The following RASGRF2 variants were observed in gnomAD, a reference collection of about 807,000 sequenced individuals.
The protein encoded by RASGRF2 is Ras protein specific guanine nucleotide releasing factor 2.
A neutral mutation model predicts 151.0 loss-of-function variants in RASGRF2; 76 were observed. That is an observed-to-expected ratio of 0.50 (90% CI 0.42 to 0.61). The LOEUF is 0.61. Among genes scored for constraint, RASGRF2 ranks in the 20% least tolerant of loss-of-function variants. RASGRF2 has a pLI of 0.00. For missense variants in RASGRF2, 1,148 were observed against 1,564.6 expected (o/e 0.73, Z 4.49); for synonymous variants, 504 against 566.5 (o/e 0.89, Z 1.57).
intron 2 of RASGRF2, among the ~76,000 whole-genome samples, chr5:81,060,131 G>A (rs1349317337): frequency 2.0e-5 from 3 of 152,106 alleles, no homozygotes; most frequent in African/African-American, 7.2e-5. Context: ...GAAGCCATGA[G>A]GGATCTGTCC....
chr5:80,980,043 C>T (rs1287288124), intron 1 of RASGRF2, among the ~76,000 whole-genome samples: 1 of 152,130 alleles, frequency 6.6e-6, no homozygotes, highest in East Asian at 1.9e-4. Context: ...TTTTCATATT[C>T]TTCCATTTGG....
Position 81,168,261 on chromosome 5 carries a change from C to T in RASGRF2, c.2687-11914C>T, listed in dbSNP as rs1409696693. ...TTTTCTCTATTGACATCAATTTCCC[C>T]CTTTATCAATCATTCCTATAGCATG... On this transcript the variant is annotated intron_variant, in intron 17 of 26. Transcript: ENST00000265080. Among the ~76,000 whole-genome samples, 4 of 151,392 alleles carry T rather than the reference C, an allele frequency of 2.6e-5. 1 individual carries two copies. The highest frequency in any genetic ancestry group is 5.9e-5 in the Non-Finnish European group (4 of 67,904).
intron 1 of RASGRF2, among the ~76,000 whole-genome samples, chr5:80,967,064 T>C (rs1303669611): frequency 2.0e-5 from 3 of 152,164 alleles, no homozygotes; most frequent in Non-Finnish European, 2.9e-5. Flanking sequence ...AAGATAAAGA[T>C]AAAATGATGT....
chr5:80,970,901 T>G (rs1271185534), intron 1 of RASGRF2, among the ~76,000 whole-genome samples: 2 of 152,234 alleles, frequency 1.3e-5, no homozygotes, highest in Non-Finnish European at 2.9e-5. Context: ...CTTCCTTCAG[T>G]AGCAGTTTTA....
chr5:81,052,297 AG>A (rs1751037094), intron 2 of RASGRF2, among the ~76,000 whole-genome samples: 1 of 152,166 alleles, frequency 6.6e-6, no homozygotes, highest in African/African-American at 2.4e-5. Context: ...TTTTACCATT[AG>A]TGATGTTCTG....
intron 15 of RASGRF2, among the ~76,000 whole-genome samples, chr5:81,115,093 A>G (rs1259299481): frequency 1.3e-5 from 2 of 152,230 alleles, no homozygotes; most frequent in South Asian, 2.1e-4. Context: ...AAATTGGGCA[A>G]TAAATCAGAC....
intron 18 of RASGRF2, among the ~76,000 whole-genome samples, chr5:81,190,946 C>T (rs1045338805): frequency 3.3e-5 from 5 of 151,986 alleles, no homozygotes; most frequent in African/African-American, 1.2e-4. Flanking sequence ...AGCTTCTTAT[C>T]TCTGTTGTAA....
At chr5:81,045,245 A>T (rs906454588) in intron 2 of RASGRF2, among the ~76,000 whole-genome samples, 1 of 152,212 alleles carries the variant, frequency 6.6e-6, no homozygotes, top group Non-Finnish European at 1.5e-5. Flanking sequence ...GTTAAAATAC[A>T]TAATTTAAAA....
At chr5:80,965,642 T>A (rs1314374703) in intron 1 of RASGRF2, among the ~76,000 whole-genome samples, 3 of 152,184 alleles carry the variant, frequency 2.0e-5, no homozygotes, top group Non-Finnish European at 4.4e-5. Flanking sequence ...AAGCGCATTG[T>A]CGAGGGGTAG....
intron 1 of RASGRF2, among the ~76,000 whole-genome samples, chr5:80,977,722 G>A (rs193190809): frequency 1.5e-3 from 224 of 152,324 alleles, no homozygotes; most frequent in African/African-American, 5.2e-3. Flanking sequence ...CTCCCAAAGT[G>A]CTGGGATTAT....
chr5:81,170,534 C>T (rs1229082005), intron 17 of RASGRF2, among the ~76,000 whole-genome samples: 1 of 152,184 alleles, frequency 6.6e-6, no homozygotes, highest in Admixed American at 6.5e-5. Flanking sequence ...CTCCATCAAG[C>T]AGAGCTGTCC....
At chr5:81,010,015 G>A (rs1035023434) in intron 1 of RASGRF2, among the ~76,000 whole-genome samples, 6 of 152,040 alleles carry the variant, frequency 3.9e-5, no homozygotes, top group African/African-American at 1.4e-4. Flanking sequence ...AATTAGCCGG[G>A]CATGGGGTTG....
At position 81,212,471 on chromosome 5, in the gene RASGRF2, C is replaced by T; in HGVS notation, c.3262C>T (p.His1088Tyr). 1.2e-6 allele frequency: 2 copies of T among 1,613,910 alleles called. No individual in the cohort carries two copies. Among genetic ancestry groups the T allele is most frequent in the Non-Finnish European group, 1.7e-6 (2 of 1,179,946 alleles). ...VAVADICRCL[H>Y]NYNGVLEITS... is the part of the protein sequence containing the mutation. ...AGTGGCGGACATCTGCCGATGCCTG[C>T]ACAACTACAACGGCGTGCTGGAGAT... Residue 1088 changes from histidine to tyrosine, a missense_variant, in exon 23 of 27, where the codon CAC becomes TAC. By Grantham distance (83) the His-to-Tyr change is moderately conservative. This residue lies in a region of RASGRF2 where 646 missense variants were observed against 807.4 expected (regional missense o/e 0.80). Coordinates refer to ENST00000265080, the MANE Select transcript of RASGRF2 (RefSeq NM_006909.3).
At chr5:81,134,073 T>TGTGTGC (rs1554036779) in intron 17 of RASGRF2, among the ~76,000 whole-genome samples, 11 of 116,402 alleles carry the variant, frequency 9.5e-5, no homozygotes, top group Admixed American at 7.4e-4. Context: ...AGGAAATGCT[T>TGTGTGC]GTGTGCGTGT....
intron 18 of RASGRF2, among the ~76,000 whole-genome samples, chr5:81,199,411 T>C (rs375335023): frequency 2.0e-5 from 3 of 152,228 alleles, no homozygotes; most frequent in Non-Finnish European, 4.4e-5. Flanking sequence ...TCTTCCATCA[T>C]GGGGGATGGT....
chr5:81,112,992 C>A lies in RASGRF2; in HGVS notation c.2087+134C>A, dbSNP rs186700471. ...CTAGCTTGCCTCTGAATGTACCATG[C>A]CCCTCCAGCAGAAGGCCATATGTAA... On this transcript the variant is annotated intron_variant, in intron 14 of 26. Coordinates refer to ENST00000265080, the MANE Select transcript of RASGRF2 (RefSeq NM_006909.3). 7 of 1,175,844 alleles carry A rather than the reference C, an allele frequency of 6.0e-6. No homozygotes were observed. In the African/African-American group the frequency reaches 6.2e-5, roughly 10 times the overall value. The allele number at this position is 1,175,844 out of a possible 1,614,324, so 72.8% of individuals were successfully genotyped here.
chr5:81,010,247 T>C (rs1749413625), intron 1 of RASGRF2, among the ~76,000 whole-genome samples: 1 of 152,140 alleles, frequency 6.6e-6, no homozygotes, highest in Non-Finnish European at 1.5e-5. Flanking sequence ...TATGAATGAA[T>C]TTTCCTCTCT....
intron 18 of RASGRF2, among the ~76,000 whole-genome samples, chr5:81,186,806 A>G (rs576987856): frequency 2.2e-4 from 34 of 152,272 alleles, no homozygotes; most frequent in African/African-American, 8.2e-4. Flanking sequence ...GAGATCTCAG[A>G]GCTGGGGGTA....
At chr5:81,178,946 G>C (rs1232896044) in intron 17 of RASGRF2, among the ~76,000 whole-genome samples, 1 of 152,164 alleles carries the variant, frequency 6.6e-6, no homozygotes, top group Non-Finnish European at 1.5e-5. Flanking sequence ...CACCATGTTA[G>C]CCGGGATGGT....
Sources: gnomAD v4.1 joint callset for allele counts (sites outside exome capture counted in the v4.1 genomes callset) on GRCh38, gnomAD v4.1.1 for gene constraint, gnomAD v4.1.1 regional missense constraint, MANE v1.5 for transcripts, NCBI Gene and HGNC (gene_info 2026-07-23, HGNC 2026-07-21) for gene names.